Variants in GNAI1 observed in about 807,000 individuals in gnomAD.
GNAI1 encodes the protein G protein subunit alpha i1, also known as guanine nucleotide-binding protein G(i) subunit alpha-1.
Under a neutral mutation model 38.9 loss-of-function variants are expected in GNAI1, and 11 were observed. That is an observed-to-expected ratio of 0.28 (90% CI 0.18 to 0.47). The LOEUF (loss-of-function observed/expected upper bound fraction) is 0.47. GNAI1 is among the 20% of genes least tolerant of loss of function. The pLI is 0.99. For missense variants in GNAI1, 317 were observed against 436.9 expected (o/e 0.73, Z 2.45); for synonymous variants, 166 against 145.1 (o/e 1.14, Z -1.04).
intron 7 of GNAI1, among the ~76,000 whole-genome samples, chr7:80,214,601 C>T (rs540226556): frequency 1.3e-5 from 2 of 152,290 alleles, no homozygotes; most frequent in East Asian, 3.9e-4. Flanking sequence ...AATTCTTTCA[C>T]ATCCCCAGAG....
At chr7:80,190,486 A>G (rs2115637611) in intron 3 of GNAI1, among the ~76,000 whole-genome samples, 1 of 152,266 alleles carries the variant, frequency 6.6e-6, no homozygotes, top group African/African-American at 2.4e-5. Flanking sequence ...CCAAGCAATA[A>G]GCATTCTTGA....
intron 1 of GNAI1, among the ~76,000 whole-genome samples, chr7:80,164,039 C>CA (rs1787969511): frequency 1.6e-5 from 1 of 62,936 alleles, no homozygotes; most frequent in East Asian, 4.7e-4. Context: ...CTGGTGCTTT[C>CA]TTTTTTTTTT....
chr7:80,143,009 A>G (rs935766467), intron 1 of GNAI1, among the ~76,000 whole-genome samples: 11 of 152,192 alleles, frequency 7.2e-5, no homozygotes, highest in African/African-American at 2.7e-4. Context: ...TCACAACTAT[A>G]TATTTCACAC....
chr7:80,157,851 C>T (rs1044747242), intron 1 of GNAI1, among the ~76,000 whole-genome samples: 2 of 152,068 alleles, frequency 1.3e-5, no homozygotes, highest in African/African-American at 4.8e-5. Context: ...GGATTACAGA[C>T]ACTCACCAAA....
At chr7:80,186,463 A>T (rs1460288805) in intron 1 of GNAI1, among the ~76,000 whole-genome samples, 1 of 152,242 alleles carries the variant, frequency 6.6e-6, no homozygotes, top group Non-Finnish European at 1.5e-5. Context: ...ATTAGAATGT[A>T]GAGATAATAT....
At chr7:80,183,221 A>G (rs1423479704) in intron 1 of GNAI1, among the ~76,000 whole-genome samples, 1 of 152,136 alleles carries the variant, frequency 6.6e-6, no homozygotes, top group African/African-American at 2.4e-5. Context: ...AAAGGGAGGG[A>G]AATGTTTTTC....
intron 1 of GNAI1, among the ~76,000 whole-genome samples, chr7:80,169,201 G>C (rs1460449034): frequency 6.6e-6 from 1 of 152,134 alleles, no homozygotes; most frequent in African/African-American, 2.4e-5. Context: ...TCTACACGTG[G>C]CTTTTGCGGT....
intron 3 of GNAI1, among the ~76,000 whole-genome samples, chr7:80,195,770 A>G (rs891378157): frequency 2.0e-5 from 3 of 151,982 alleles, no homozygotes; most frequent in Admixed American, 6.6e-5. Flanking sequence ...CTGTATTACA[A>G]TAGTCATCTG....
chr7:80,186,875 G>C (rs953432443), intron 1 of GNAI1, among the ~76,000 whole-genome samples: 1 of 152,206 alleles, frequency 6.6e-6, no homozygotes, highest in Admixed American at 6.5e-5. Context: ...TTAGAGAAAT[G>C]TGTGAGCCAG....
At chr7:80,195,334 TA>T (rs1325190092) in intron 3 of GNAI1, among the ~76,000 whole-genome samples, 1 of 152,008 alleles carries the variant, frequency 6.6e-6, no homozygotes, top group African/African-American at 2.4e-5. Flanking sequence ...CTTTTTATTT[TA>T]GGCTTTTTCC....
rs958137965 is a variant in GNAI1, at chr7:80,225,134, C to T, written c.*7641C>T. On this transcript the variant is annotated 3_prime_UTR_variant, in exon 8 of 8. Coordinates refer to ENST00000649796, the MANE Select transcript of GNAI1 (RefSeq NM_002069.6). ...GTGACTTTCTTGGGAAATGGTGGGC[C>T]TCAGTAAAGACTTGGACTATTCCAG... Among the ~76,000 whole-genome samples the T allele has an allele frequency of 5.3e-5, 8 of 152,098 alleles. No individual in the cohort carries two copies. Among genetic ancestry groups the T allele is most frequent in the Non-Finnish European group, 5.9e-5 (4 of 68,024 alleles).
At chr7:80,161,009 AAC>A (rs1486958300) in intron 1 of GNAI1, among the ~76,000 whole-genome samples, 2 of 152,184 alleles carry the variant, frequency 1.3e-5, no homozygotes, top group Non-Finnish European at 2.9e-5. Flanking sequence ...GAAGTAAGTT[AAC>A]AGACTTTTAA....
At chr7:80,135,654 C>CCCCCG (rs1787398636) in intron 1 of GNAI1, 1 of 159,562 alleles carries the variant, frequency 6.3e-6, no homozygotes, top group African/African-American at 2.9e-5. Flanking sequence ...AAACACCCCC[C>CCCCCG]CCCCCGCGCC....
intron 3 of GNAI1, among the ~76,000 whole-genome samples, chr7:80,197,103 C>G (rs1458883498): frequency 6.6e-6 from 1 of 151,568 alleles, no homozygotes; most frequent in East Asian, 1.9e-4. Flanking sequence ...TCCTCTCCTC[C>G]CCCACCCCAT....
intron 1 of GNAI1, among the ~76,000 whole-genome samples, chr7:80,146,151 T>C (rs1787617473): frequency 6.6e-6 from 1 of 152,110 alleles, no homozygotes; most frequent in Admixed American, 6.6e-5. Context: ...AGTTTCTTCA[T>C]CTTCTCTGAC....
At position 80,171,877 on chromosome 7, in the gene GNAI1, T is replaced by G. The variant is rs187349353; in HGVS notation, c.119-17074T>G. 2.0e-3 allele frequency among the ~76,000 whole-genome samples: 301 copies of G among 152,322 alleles called. 1 individual carries two copies. The highest frequency in any genetic ancestry group is 2.9e-3 in the Non-Finnish European group (196 of 68,028). On this transcript the variant is annotated intron_variant, in intron 1 of 7. Transcript: ENST00000649796. ...CAGCTTTTCTTCAAATGAAATAGTT[T>G]GTTTTGTACACCACATCTCTGTATA...
chr7:80,149,436 C>T (rs1049642363), intron 1 of GNAI1, among the ~76,000 whole-genome samples: 3 of 152,038 alleles, frequency 2.0e-5, no homozygotes, highest in Non-Finnish European at 4.4e-5. Context: ...CTAAATGGTC[C>T]AGTTTCTATC....
rs141276975 is a variant in GNAI1, at chr7:80,204,253, G to T, written c.590+421G>T. Among the ~76,000 whole-genome samples the T allele has an allele frequency of 4.8e-3, 734 of 151,972 alleles. 10 individuals are homozygous for T. Among genetic ancestry groups the T allele is most frequent in the African/African-American group, 0.013 (558 of 41,454 alleles). ...GAAGAGCACCTTTAACAATTTTTTCGTGAACAGTTTTCTTCATAGGGAACT... is the reference window on the plus strand; with the variant it reads ...GAAGAGCACCTTTAACAATTTTTTCTTGAACAGTTTTCTTCATAGGGAACT... On this transcript the variant is annotated intron_variant, in intron 5 of 7. Coordinates refer to ENST00000649796, the MANE Select transcript of GNAI1 (RefSeq NM_002069.6).
Position 80,222,946 on chromosome 7 carries a change from C to T in GNAI1, c.*5453C>T, listed in dbSNP as rs1359627449. On this transcript the variant is annotated 3_prime_UTR_variant, in exon 8 of 8. Transcript: ENST00000649796. Reference sequence around the variant, plus strand: ...TAGCCTGGCCTAACTTAAAGGTGCTCAGAACACTTAGATTAGCATACAGTT... The same window carrying T: ...TAGCCTGGCCTAACTTAAAGGTGCTTAGAACACTTAGATTAGCATACAGTT... 2.0e-5 allele frequency among the ~76,000 whole-genome samples: 3 copies of T among 152,072 alleles called. No homozygotes were observed. In the East Asian group the frequency reaches 5.8e-4, roughly 29 times the overall value.
Sources: allele counts gnomAD v4.1 joint callset (sites outside exome capture counted in the v4.1 genomes callset), GRCh38; gene constraint gnomAD v4.1.1; transcripts MANE v1.5; gene names NCBI Gene and HGNC (gene_info 2026-07-23, HGNC 2026-07-21).